LINGO2: variants seen among roughly 807,000 people sequenced by gnomAD.
LINGO2 encodes leucine rich repeat and Ig domain containing 2.
LINGO2 carries 14 observed loss-of-function variants against 30.6 expected under a neutral mutation model. That is an observed-to-expected ratio of 0.46 (90% CI 0.30 to 0.72). The LOEUF (loss-of-function observed/expected upper bound fraction) is 0.72. Among genes scored for constraint, LINGO2 ranks in the 30% least tolerant of loss-of-function variants. The pLI, the probability that LINGO2 is intolerant of heterozygous loss-of-function variation, is 0.07. For missense variants in LINGO2, 729 were observed against 751.7 expected (o/e 0.97, Z 0.35); for synonymous variants, 317 against 288.5 (o/e 1.10, Z -1.00).
At chr9:27,963,926 G>C (rs1819973739) in intron 5 of LINGO2, among the ~76,000 whole-genome samples, 1 of 152,058 alleles carries the variant, frequency 6.6e-6, no homozygotes, top group African/African-American at 2.4e-5. Context: ...TTTAGTATGA[G>C]CAAGTCTGGA....
At chr9:28,873,749 A>G in the LINGO2 span, among the ~76,000 whole-genome samples, 1 of 152,130 alleles carries the variant, frequency 6.6e-6, no homozygotes, top group African/African-American at 2.4e-5. Context: ...GATGTTCTAC[A>G]AAAAGTAGCT....
At chr9:28,182,792 A>T (rs1819401151) in intron 4 of LINGO2, among the ~76,000 whole-genome samples, 1 of 152,196 alleles carries the variant, frequency 6.6e-6, no homozygotes, top group African/African-American at 2.4e-5. Context: ...GCGATTATTA[A>T]AAAGTCAGGA....
chr9:29,139,116 C>T, the LINGO2 span, among the ~76,000 whole-genome samples: 2 of 152,112 alleles, frequency 1.3e-5, no homozygotes, highest in Non-Finnish European at 2.9e-5. Flanking sequence ...AGAAACTGAG[C>T]GTAGCCTCCA....
the LINGO2 span, among the ~76,000 whole-genome samples, chr9:29,194,710 T>A: frequency 1.3e-5 from 2 of 152,190 alleles, no homozygotes. Flanking sequence ...TAGATTTGGA[T>A]GTACATTTAC....
At chr9:29,069,431 T>C in the LINGO2 span, among the ~76,000 whole-genome samples, 2 of 144,198 alleles carry the variant, frequency 1.4e-5, no homozygotes, top group African/African-American at 2.6e-5. Flanking sequence ...TAGTATTATA[T>C]AATGTATCTA....
chr9:28,856,858 T>C, the LINGO2 span, among the ~76,000 whole-genome samples: 1 of 151,982 alleles, frequency 6.6e-6, no homozygotes, highest in African/African-American at 2.4e-5. Context: ...GCTAAACTGA[T>C]GATAGTAGAA....
At chr9:28,991,130 G>A in the LINGO2 span, among the ~76,000 whole-genome samples, 1,089 of 152,208 alleles carry the variant, frequency 7.2e-3, 19 homozygotes, top group African/African-American at 0.025. Context: ...AAATTTAGAC[G>A]AATGTATAAC....
intron 3 of LINGO2, among the ~76,000 whole-genome samples, chr9:28,306,922 T>C (rs1332570520): frequency 6.6e-6 from 1 of 152,146 alleles, no homozygotes; most frequent in Non-Finnish European, 1.5e-5. Flanking sequence ...AGGTCTGAAA[T>C]TGTGGCAATA....
intron 2 of LINGO2, among the ~76,000 whole-genome samples, chr9:28,404,416 T>C (rs1822408774): frequency 6.6e-6 from 1 of 152,182 alleles, no homozygotes; most frequent in African/African-American, 2.4e-5. Context: ...AGGTAGTCTA[T>C]TTCAAGCATT....
intron 3 of LINGO2, among the ~76,000 whole-genome samples, chr9:28,313,128 T>C (rs6476055): frequency 0.33 from 49,793 of 152,146 alleles, 9,416 homozygotes; most frequent in Middle Eastern, 0.44. Flanking sequence ...TCCTATATCG[T>C]ACAGACAGTT....
At chr9:28,370,351 C>T (rs1487350450) in intron 3 of LINGO2, among the ~76,000 whole-genome samples, 2 of 152,068 alleles carry the variant, frequency 1.3e-5, no homozygotes, top group African/African-American at 2.4e-5. Context: ...AAAATATACA[C>T]GCATGCAAAA....
intron 4 of LINGO2, among the ~76,000 whole-genome samples, chr9:28,164,160 T>C (rs1348052503): frequency 6.6e-6 from 1 of 152,182 alleles, no homozygotes; most frequent in Non-Finnish European, 1.5e-5. Context: ...CTGTTACCTA[T>C]CTATGTTGTT....
chr9:29,068,502 T>A, the LINGO2 span, among the ~76,000 whole-genome samples: 29,829 of 151,670 alleles, frequency 0.2, 3,080 homozygotes, highest in African/African-American at 0.24. Context: ...GTATATCTTG[T>A]TTATAATAAA....
At chr9:28,484,322 A>T (rs775662829) in intron 1 of LINGO2, among the ~76,000 whole-genome samples, 1 of 152,082 alleles carries the variant, frequency 6.6e-6, no homozygotes, top group Non-Finnish European at 1.5e-5. Context: ...CAGCAGCTCC[A>T]ACTGTTGGAT....
the LINGO2 span, among the ~76,000 whole-genome samples, chr9:28,858,298 G>T: frequency 3.1e-4 from 47 of 152,124 alleles, no homozygotes; most frequent in South Asian, 8.1e-3. Context: ...TTTACTGGTT[G>T]TCAGGCAGAT....
At chr9:28,570,517 T>C (rs1823634568) in intron 1 of LINGO2, among the ~76,000 whole-genome samples, 1 of 151,876 alleles carries the variant, frequency 6.6e-6, no homozygotes, top group South Asian at 2.1e-4. Flanking sequence ...GTATTTTAAA[T>C]TTTCTTTCTG....
chr9:28,871,611 T>C, the LINGO2 span, among the ~76,000 whole-genome samples: 1 of 151,992 alleles, frequency 6.6e-6, no homozygotes, highest in Admixed American at 6.6e-5. Flanking sequence ...TATACTATAG[T>C]GTAACCAAAT....
intron 4 of LINGO2, among the ~76,000 whole-genome samples, chr9:28,239,924 A>G (rs919703462): frequency 1.3e-5 from 2 of 152,192 alleles, no homozygotes; most frequent in African/African-American, 2.4e-5. Context: ...CTGATAAACA[A>G]ATTCAGTAAA....
At chr9:29,027,711 G>A in the LINGO2 span, among the ~76,000 whole-genome samples, 30,849 of 152,046 alleles carry the variant, frequency 0.2, 3,591 homozygotes, top group South Asian at 0.24. Flanking sequence ...CAAGGTTTCC[G>A]CAGTACCACT....
Sources: gnomAD v4.1 joint callset for allele counts (sites outside exome capture counted in the v4.1 genomes callset) on GRCh38, gnomAD v4.1.1 for gene constraint, MANE v1.5 for transcripts, NCBI Gene and HGNC (gene_info 2026-07-23, HGNC 2026-07-21) for gene names.